Variants in TUBB8 observed in about 807,000 individuals in gnomAD.
The protein encoded by TUBB8 is tubulin beta 8 class VIII, also known as tubulin beta-8 chain.
In TUBB8, 25 loss-of-function variants were observed where a neutral mutation model predicts 33.7. That is an observed-to-expected ratio of 0.74 (90% CI 0.54 to 1.04). The LOEUF is 1.04. Ranked by LOEUF, TUBB8 falls within the 50% of genes least tolerant of loss-of-function variation. The pLI is 0.00. For missense variants in TUBB8, 279 were observed against 608.0 expected (o/e 0.46, Z 5.69); for synonymous variants, 245 against 240.1 (o/e 1.02, Z -0.19).
At chr10:49,772 C>T, upstream of TUBB8, 1 of 353,592 alleles carries the variant, frequency 2.8e-6, no homozygotes, top group Non-Finnish European at 5.6e-6. Flanking sequence ...GTGTTAGAGA[C>T]AGTCAGGCCT....
chr10:71,608 T>G (rs556427372), intron 1 of TUBB8, among the ~76,000 whole-genome samples: 11 of 139,180 alleles, frequency 7.9e-5, no homozygotes, highest in Non-Finnish European at 1.5e-4. Flanking sequence ...GAAGAAAAAG[T>G]GAAAATCTGT....
chr10:49,343 T>A (rs1834434239), upstream of TUBB8: 1 of 1,173,722 alleles, frequency 8.5e-7, no homozygotes, highest in Non-Finnish European at 1.2e-6. Flanking sequence ...CGCGCCCACC[T>A]CCCTCCGCCT....
At chr10:48,530 T>C (rs782360999) in intron 3 of TUBB8, 85 bp downstream of exon 3, 1 of 1,328,128 alleles carries the variant, frequency 7.5e-7, no homozygotes, top group Non-Finnish European at 1.1e-6. Flanking sequence ...AGCTCCACAG[T>C]TCCCAGAGGA....
chr10:71,675 C>G (rs539853061), intron 1 of TUBB8, among the ~76,000 whole-genome samples: 1 of 151,954 alleles, frequency 6.6e-6, no homozygotes, highest in South Asian at 2.1e-4. Flanking sequence ...ACCTGTAATC[C>G]CAGCACTTTG....
upstream of TUBB8, among the ~76,000 whole-genome samples, chr10:74,457 TC>T (rs1834781948): frequency 6.7e-6 from 1 of 149,366 alleles, no homozygotes; most frequent in African/African-American, 2.5e-5. Context: ...TAAAATCCCA[TC>T]TCTACTAAAA....
At chr10:72,696 C>A (rs1834753605) in intron 1 of TUBB8, among the ~76,000 whole-genome samples, 1 of 151,746 alleles carries the variant, frequency 6.6e-6, no homozygotes, top group African/African-American at 2.4e-5. Flanking sequence ...ACTAAAAATA[C>A]AAAAAAATTA....
At chr10:59,007 T>A (rs1292293890) in intron 1 of TUBB8, among the ~76,000 whole-genome samples, 1 of 152,134 alleles carries the variant, frequency 6.6e-6, no homozygotes, top group Non-Finnish European at 1.5e-5. Flanking sequence ...TCTTCCAGAG[T>A]TTAGAGGAAA....
upstream of TUBB8, among the ~76,000 whole-genome samples, chr10:74,403 G>A (rs1834781324): frequency 6.6e-6 from 1 of 151,140 alleles, no homozygotes; most frequent in African/African-American, 2.4e-5. Flanking sequence ...GAGTCGGGCG[G>A]ATCACTCGAG....
At position 63,922 on chromosome 10, in the gene TUBB8, C is replaced by T. The variant is rs1371921154; in HGVS notation, c.-846+10047G>A. Among the ~76,000 whole-genome samples the T allele has an allele frequency of 2.0e-5, 3 of 152,098 alleles. No homozygotes were observed. In the South Asian group the frequency reaches 6.2e-4, roughly 32 times the overall value. Reference sequence around the variant, plus strand: ...CTTCACAGTCTGGGCTTGTTGGTGCCCATTATTTTTGGGAACACTCTCCAA... The same window carrying T: ...CTTCACAGTCTGGGCTTGTTGGTGCTCATTATTTTTGGGAACACTCTCCAA... On this transcript the variant is annotated intron_variant, in intron 1 of 3. Transcript: ENST00000564130.
intron 1 of TUBB8, among the ~76,000 whole-genome samples, chr10:73,671 G>A (rs10795288): frequency 0.53 from 74,888 of 141,368 alleles, 19,244 homozygotes; most frequent in African/African-American, 0.66. Flanking sequence ...CAAAATGAGC[G>A]CTGATCCGGG....
intron 1 of TUBB8, among the ~76,000 whole-genome samples, chr10:72,528 A>T (rs1834750806): frequency 6.6e-6 from 1 of 152,204 alleles, no homozygotes; most frequent in Non-Finnish European, 1.5e-5. Context: ...ACTGCAGTCC[A>T]GCCTGGGCGA....
At position 47,037 on chromosome 10, in the gene TUBB8, T is replaced by A; in HGVS notation, c.*20A>T. ...AAAGAATCCACACTGCTTCCCCCCT[T>A]TACCTAGAAAAGGAGAGTTCTAGGC... is the stretch of plus-strand genomic sequence containing the variant. On this transcript the variant is annotated 3_prime_UTR_variant, in exon 4 of 4. Transcript: ENST00000568584. 1 of 789,360 alleles carries A rather than the reference T, an allele frequency of 1.3e-6. No individual in the cohort carries two copies. The highest frequency in any genetic ancestry group is 2.1e-6 in the Non-Finnish European group (1 of 477,774). The allele number at this position is 789,360 out of a possible 1,614,324, so 48.9% of individuals were successfully genotyped here.
chr10:57,198 G>C (rs1834542967), intron 1 of TUBB8, among the ~76,000 whole-genome samples: 1 of 152,238 alleles, frequency 6.6e-6, no homozygotes, highest in Non-Finnish European at 1.5e-5. Context: ...AGCCCCCACA[G>C]CTGCTCTCAT....
chr10:76,233 A>C (rs1340323122), upstream of TUBB8, among the ~76,000 whole-genome samples: 2 of 151,064 alleles, frequency 1.3e-5, no homozygotes, highest in Non-Finnish European at 2.9e-5. Flanking sequence ...CAGCCTCCCG[A>C]CCGACGGCAC....
At chr10:66,459 G>A (rs1249935012) in intron 1 of TUBB8, among the ~76,000 whole-genome samples, 1 of 152,156 alleles carries the variant, frequency 6.6e-6, no homozygotes, top group Non-Finnish European at 1.5e-5. Context: ...GGCCAGTCCG[G>A]CCAACACAGG....
At chr10:51,593 C>G (rs781952876), upstream of TUBB8, among the ~76,000 whole-genome samples, 4 of 152,190 alleles carry the variant, frequency 2.6e-5, no homozygotes, top group Non-Finnish European at 5.9e-5. Context: ...CAGACTAATA[C>G]AGCCTGTATG....
At chr10:48,591 C>G (rs1469735100) in intron 3 of TUBB8, 24 bp downstream of exon 3, 12 of 1,593,666 alleles carry the variant, frequency 7.5e-6, no homozygotes, top group Non-Finnish European at 1.0e-5. Flanking sequence ...AGGAGCCGCA[C>G]CCCAGTCCTC....
chr10:53,417 T>C (rs1275925634), upstream of TUBB8, among the ~76,000 whole-genome samples: 21 of 150,292 alleles, frequency 1.4e-4, no homozygotes, highest in South Asian at 6.3e-4. Flanking sequence ...CATGAGCCAC[T>C]GCTCCCAGCC....
intron 1 of TUBB8, among the ~76,000 whole-genome samples, chr10:58,574 A>C (rs1554740462): frequency 6.6e-6 from 1 of 152,238 alleles, no homozygotes. Flanking sequence ...TCATGGCAAA[A>C]GTTGAAGCAG....
Sources: allele counts gnomAD v4.1 joint callset (sites outside exome capture counted in the v4.1 genomes callset), GRCh38; gene constraint gnomAD v4.1.1; transcripts MANE v1.5; gene names NCBI Gene and HGNC (gene_info 2026-07-23, HGNC 2026-07-21).